Variants in METTL22 observed in about 807,000 individuals in gnomAD.
The protein encoded by METTL22 is methyltransferase-like protein 22.
A neutral mutation model predicts 48.4 loss-of-function variants in METTL22; 51 were observed. That is an observed-to-expected ratio of 1.05 (90% CI 0.84 to 1.33). METTL22 has a LOEUF of 1.33. Among genes scored for constraint, METTL22 ranks in the 40% most tolerant of loss-of-function variants. The probability of loss-of-function intolerance (pLI) is 0.00; values close to 1 mark genes in which losing one functional copy is unlikely to be tolerated. For missense variants in METTL22, 678 were observed against 526.9 expected, an observed-to-expected ratio of 1.29 and a Z score of -2.81; for synonymous variants, 255 against 214.1, an observed-to-expected ratio of 1.19 and a Z score of -1.67.
At chr16:8,625,230 G>C (rs1339432584) in intron 1 of METTL22, among the ~76,000 whole-genome samples, 1 of 152,056 alleles carries the variant, frequency 6.6e-6, no homozygotes, top group African/African-American at 2.4e-5. Context: ...AAACCAGAGA[G>C]GGCAGGCACG....
chr16:8,642,820 C>T (rs2056666073), intron 9 of METTL22: 3 of 547,834 alleles, frequency 5.5e-6, no homozygotes, highest in Admixed American at 3.1e-5. Flanking sequence ...GGGCCTTGGC[C>T]AGGGCACGGC....
chr16:8,632,770 A>G (rs1270834338), intron 3 of METTL22, among the ~76,000 whole-genome samples: 2 of 152,244 alleles, frequency 1.3e-5, no homozygotes, highest in African/African-American at 2.4e-5. Flanking sequence ...CAAGAAGTTA[A>G]GTGACTTGTC....
At chr16:8,663,402 C>T in the METTL22 span, among the ~76,000 whole-genome samples, 1 of 152,010 alleles carries the variant, frequency 6.6e-6, no homozygotes, top group Admixed American at 6.5e-5. Flanking sequence ...ACTTGACTGA[C>T]AGGGTGGGTT....
chr16:8,656,664 C>T, the METTL22 span, among the ~76,000 whole-genome samples: 1 of 152,272 alleles, frequency 6.6e-6, no homozygotes, highest in African/African-American at 2.4e-5. Flanking sequence ...TCCAGCAGTG[C>T]TGGCCTGGGC....
the METTL22 span, among the ~76,000 whole-genome samples, chr16:8,659,085 C>T: frequency 6.6e-6 from 1 of 152,118 alleles, no homozygotes; most frequent in African/African-American, 2.4e-5. Flanking sequence ...AATCCCAGCA[C>T]TTTGGGAGGC....
In METTL22 at chr16:8,646,749, C is replaced by T. The variant is rs1325450203; in HGVS notation, c.*606C>T. 2.2e-6 allele frequency: 1 copy of T among 444,798 alleles called. No individual in the cohort carries two copies. The highest frequency in any genetic ancestry group is 3.3e-4 in the Middle Eastern group (1 of 3,020). The allele number at this position is 444,798 out of a possible 1,614,324, so 27.6% of individuals were successfully genotyped here. On this transcript the variant is annotated 3_prime_UTR_variant, in exon 11 of 11. Coordinates refer to ENST00000381920, the MANE Select transcript of METTL22 (RefSeq NM_024109.4). ...ACGTTTGGAATAAACCTAAGAGCCA[C>T]TCTTTGGGGTCATGTGCAGCTGACC...
At chr16:8,635,376 A>G (rs2056393241) in intron 5 of METTL22, 64 bp downstream of exon 5, 2 of 1,471,960 alleles carry the variant, frequency 1.4e-6, no homozygotes, top group Non-Finnish European at 1.8e-6. Flanking sequence ...CACTGACTGT[A>G]TAAAAAAAGA....
At chr16:8,667,218 T>C in the METTL22 span, 4 of 152,170 alleles carry the variant, frequency 2.6e-5, no homozygotes, top group African/African-American at 4.8e-5. Context: ...GGTTTTCTTT[T>C]AACAAAATTT....
the METTL22 span, among the ~76,000 whole-genome samples, chr16:8,662,034 A>G: frequency 6.9e-6 from 1 of 145,642 alleles, no homozygotes; most frequent in Non-Finnish European, 1.5e-5. Flanking sequence ...ACTTGAGTCC[A>G]GGAGTTCAAG....
At chr16:8,663,377 C>T in the METTL22 span, among the ~76,000 whole-genome samples, 2 of 152,116 alleles carry the variant, frequency 1.3e-5, no homozygotes, top group African/African-American at 2.4e-5. Context: ...TGCCTAACCA[C>T]TTCGCCTAAG....
At chr16:8,631,638 C>CT (rs2056267907) in intron 3 of METTL22, 1 of 152,254 alleles carries the variant, frequency 6.6e-6, no homozygotes, top group East Asian at 1.9e-4. Context: ...GACGAACAGT[C>CT]TAGGTTCCTG....
the METTL22 span, among the ~76,000 whole-genome samples, chr16:8,663,651 C>A: frequency 6.6e-6 from 1 of 152,186 alleles, no homozygotes; most frequent in Non-Finnish European, 1.5e-5. Flanking sequence ...CCTTTTAAAC[C>A]TCTTCACAGC....
At chr16:8,644,420 G>T in intron 9 of METTL22, 137 bp from the exon 10 acceptor site, 1 of 824,636 alleles carries the variant, frequency 1.2e-6, no homozygotes, top group Non-Finnish European at 1.9e-6. Flanking sequence ...CACACACTCA[G>T]CATGAGACAG....
the METTL22 span, among the ~76,000 whole-genome samples, chr16:8,658,181 G>C: frequency 6.6e-6 from 1 of 152,174 alleles, no homozygotes; most frequent in African/African-American, 2.4e-5. Context: ...GGCCTATGAA[G>C]GCAGAGATCA....
chr16:8,634,890 C>A (rs1053778816), intron 3 of METTL22, 149 bp from the exon 4 acceptor site: 15 of 986,080 alleles, frequency 1.5e-5, no homozygotes, highest in Non-Finnish European at 2.3e-5. Context: ...AGTAGCACAG[C>A]CTGTGTTTCT....
At position 8,635,332 on chromosome 16, in the gene METTL22, G is replaced by A; in HGVS notation, c.700+20G>A. Reference sequence around the variant, plus strand: ...GTACAGGTAATGAGGTGACATCTCAGGCTGCAGGGAAGTAGTCACCTTCAC... The same window carrying A: ...GTACAGGTAATGAGGTGACATCTCAAGCTGCAGGGAAGTAGTCACCTTCAC... On this transcript the variant is annotated intron_variant, in intron 5 of 10. Transcript: ENST00000381920. 1 of 1,523,544 alleles carries A rather than the reference G, an allele frequency of 6.6e-7. No individual in the cohort carries two copies. The highest frequency in any genetic ancestry group is 2.0e-5 in the Admixed American group (1 of 49,846). The allele number at this position is 1,523,544 out of a possible 1,614,324, so 94.4% of individuals were successfully genotyped here. A position where few individuals can be genotyped will look rare whatever the true frequency, so the allele number is the denominator to read the frequency against.
the METTL22 span, among the ~76,000 whole-genome samples, chr16:8,656,788 G>A: frequency 1.4e-3 from 217 of 152,348 alleles, no homozygotes; most frequent in African/African-American, 5.0e-3. Flanking sequence ...TAACAGAAAT[G>A]TATTGGCTCA....
At chr16:8,657,631 G>A in the METTL22 span, among the ~76,000 whole-genome samples, 33 of 152,156 alleles carry the variant, frequency 2.2e-4, no homozygotes, top group African/African-American at 7.0e-4. Flanking sequence ...AAACTATAGT[G>A]GGTTGAATGG....
chr16:8,647,051 T>TTGCACCA lies in METTL22; in HGVS notation c.*909_*915dup, dbSNP rs2056816844. The TTGCACCA allele has an allele frequency of 3.7e-6, 1 of 272,246 alleles. No individual in the cohort carries two copies. Among genetic ancestry groups the TTGCACCA allele is most frequent in the African/African-American group, 2.2e-5 (1 of 45,294 alleles). 16.9% of individuals were successfully genotyped at this position (272,246 alleles called of 1,614,324 possible). A position where few individuals can be genotyped will look rare whatever the true frequency, so the allele number is the denominator to read the frequency against. ...CCCTGCCTTGCTGCTGCCGCACACT[T>TTGCACCA]TGCACCAGGGCCTTTCATGGCCCCT... On this transcript the variant is annotated 3_prime_UTR_variant, in exon 11 of 11. Transcript: ENST00000381920.
Sources: gnomAD v4.1 joint callset for allele counts (sites outside exome capture counted in the v4.1 genomes callset) on GRCh38, gnomAD v4.1.1 for gene constraint, MANE v1.5 for transcripts, NCBI Gene and HGNC (gene_info 2026-07-23, HGNC 2026-07-21) for gene names.